FOXP2: variants seen among roughly 807,000 people sequenced by gnomAD.
FOXP2 encodes forkhead box protein P2.
A neutral mutation model predicts 115.8 loss-of-function variants in FOXP2; 12 were observed. The observed-to-expected ratio is 0.10, with a 90% CI of 0.07 to 0.17. The LOEUF (loss-of-function observed/expected upper bound fraction) is 0.17, where lower values mean the gene tolerates loss of function less well. Among genes scored for constraint, FOXP2 ranks in the 10% least tolerant of loss-of-function variants. FOXP2 has a pLI of 1.00. For missense variants in FOXP2, 629 were observed against 843.5 expected, an observed-to-expected ratio of 0.75 and a Z score of 3.15; for synonymous variants, 328 against 297.7, an observed-to-expected ratio of 1.10 and a Z score of -1.05.
At chr7:114,546,650 T>G (rs192162293) in intron 3 of FOXP2, among the ~76,000 whole-genome samples, 1 of 152,054 alleles carries the variant, frequency 6.6e-6, no homozygotes, top group African/African-American at 2.4e-5. Context: ...CCCTAATCCC[T>G]GGAGTCTTCT....
At position 114,352,262 on chromosome 7, in the gene FOXP2, C is replaced by G. The variant is rs114465909; in HGVS notation, c.-11+64153C>G. On this transcript the variant is annotated intron_variant, in intron 2 of 17. Coordinates refer to the FOXP2 transcript ENST00000634411. ...AGCCTGGGCAACAGAGTGAGACCCT[C>G]TCTGAAGAAAAAAAAGAAAGAAAGA... Among the ~76,000 whole-genome samples the G allele has an allele frequency of 8.0e-3, 1,212 of 151,606 alleles. 14 individuals are homozygous for G. Among genetic ancestry groups the G allele is most frequent in the African/African-American group, 0.028 (1,154 of 41,312 alleles).
chr7:114,430,464 ATTGT>A (rs1055579844), intron 2 of FOXP2, among the ~76,000 whole-genome samples: 1 of 151,772 alleles, frequency 6.6e-6, no homozygotes, highest in Non-Finnish European at 1.5e-5. Context: ...GATTTTAGAC[ATTGT>A]TTGACTAGAT....
At chr7:114,227,912 A>T (rs922904037) in intron 1 of FOXP2, among the ~76,000 whole-genome samples, 4 of 152,028 alleles carry the variant, frequency 2.6e-5, no homozygotes, top group Non-Finnish European at 5.9e-5. Flanking sequence ...AATTTACATG[A>T]TCCTCACGCT....
chr7:114,554,972 A>G (rs912629058), intron 3 of FOXP2, among the ~76,000 whole-genome samples: 13 of 152,188 alleles, frequency 8.5e-5, no homozygotes, highest in Non-Finnish European at 1.6e-4. Flanking sequence ...TAGGCTCTTT[A>G]ATGACAAGTA....
chr7:114,349,560 A>G (rs1791429366), intron 2 of FOXP2, among the ~76,000 whole-genome samples: 1 of 152,104 alleles, frequency 6.6e-6, no homozygotes, highest in Non-Finnish European at 1.5e-5. Context: ...GATATTTAAA[A>G]TATCCTAAAA....
chr7:114,166,393 G>T (rs1792981231), intron 1 of FOXP2, among the ~76,000 whole-genome samples: 1 of 152,040 alleles, frequency 6.6e-6, no homozygotes, highest in Non-Finnish European at 1.5e-5. Flanking sequence ...ATACTACAAA[G>T]AACTCTTAAA....
At chr7:114,089,415 A>G (rs1309621999) in intron 1 of FOXP2, among the ~76,000 whole-genome samples, 1 of 152,076 alleles carries the variant, frequency 6.6e-6, no homozygotes, top group Admixed American at 6.5e-5. Flanking sequence ...ACTACCGTGT[A>G]TATTAGAATA....
intron 2 of FOXP2, among the ~76,000 whole-genome samples, chr7:114,364,860 T>G (rs561462115): frequency 6.6e-6 from 1 of 152,190 alleles, no homozygotes; most frequent in Non-Finnish European, 1.5e-5. Context: ...TCTCTTACTC[T>G]GCATTTATTA....
intron 3 of FOXP2, among the ~76,000 whole-genome samples, chr7:114,550,925 C>T (rs1382047492): frequency 6.6e-6 from 1 of 152,118 alleles, no homozygotes; most frequent in Admixed American, 6.6e-5. Flanking sequence ...TGTTATTTGG[C>T]GTTTCCATAC....
Position 114,691,420 on chromosome 7 carries a change from A to G in FOXP2, c.*1494A>G. On this transcript the variant is annotated 3_prime_UTR_variant, in exon 17 of 17. Transcript: ENST00000350908. The stretch of plus-strand genomic sequence containing the variant: ...ATGGTATTTATTTTCAGTCAAACCA[A>G]AGTTACATATAATTCTGCCTCTGCT... 1 of 454,010 alleles carries G rather than the reference A, an allele frequency of 2.2e-6. No individual in the cohort carries two copies. The allele number at this position is 454,010 out of a possible 1,614,324, so 28.1% of individuals were successfully genotyped here.
intron 3 of FOXP2, among the ~76,000 whole-genome samples, chr7:114,575,765 T>C (rs1186851204): frequency 6.6e-6 from 1 of 151,936 alleles, no homozygotes; most frequent in Non-Finnish European, 1.5e-5. Context: ...ACTTTTTTCT[T>C]CCTTCCTATA....
At chr7:114,484,095 C>T (rs748361503) in intron 2 of FOXP2, among the ~76,000 whole-genome samples, 1 of 151,708 alleles carries the variant, frequency 6.6e-6, no homozygotes, top group African/African-American at 2.4e-5. Flanking sequence ...GTAACAATTT[C>T]TTTTGCAGGG....
At chr7:114,551,037 A>G (rs1584884692) in intron 3 of FOXP2, among the ~76,000 whole-genome samples, 1 of 152,330 alleles carries the variant, frequency 6.6e-6, no homozygotes, top group South Asian at 2.1e-4. Context: ...TATGTACTAG[A>G]AAGAGAGTTC....
At chr7:114,430,603 T>C (rs1167608115) in intron 2 of FOXP2, among the ~76,000 whole-genome samples, 1 of 151,812 alleles carries the variant, frequency 6.6e-6, no homozygotes, top group Non-Finnish European at 1.5e-5. Context: ...ACAATATTAA[T>C]TGATGATATT....
At chr7:114,241,204 T>TA (rs1250115653) in intron 1 of FOXP2, among the ~76,000 whole-genome samples, 1 of 152,060 alleles carries the variant, frequency 6.6e-6, no homozygotes, top group Non-Finnish European at 1.5e-5. Context: ...ATAAAACATA[T>TA]AAAAAATATT....
intron 1 of FOXP2, among the ~76,000 whole-genome samples, chr7:114,265,478 C>T (rs1277604060): frequency 2.0e-5 from 3 of 152,196 alleles, no homozygotes; most frequent in South Asian, 2.1e-4. Flanking sequence ...TCAGCCCTTG[C>T]GCTTGCTCTC....
At chr7:114,122,087 C>G (rs1401134375) in intron 1 of FOXP2, among the ~76,000 whole-genome samples, 1 of 151,996 alleles carries the variant, frequency 6.6e-6, no homozygotes, top group Non-Finnish European at 1.5e-5. Flanking sequence ...GTTTTTGTTA[C>G]TAGTAGGTGT....
chr7:114,316,867 C>T (rs1413700235), intron 2 of FOXP2, among the ~76,000 whole-genome samples: 1 of 151,942 alleles, frequency 6.6e-6, no homozygotes, highest in African/African-American at 2.4e-5. Flanking sequence ...CCTCTAAAGA[C>T]ATGAATTGCC....
chr7:114,673,503 C>T (rs1408296111), intron 16 of FOXP2, among the ~76,000 whole-genome samples: 1 of 152,152 alleles, frequency 6.6e-6, no homozygotes, highest in African/African-American at 2.4e-5. Flanking sequence ...TATCTGAAAT[C>T]ATTTGGGAGT....
Sources: allele counts gnomAD v4.1 joint callset (sites outside exome capture counted in the v4.1 genomes callset), GRCh38; gene constraint gnomAD v4.1.1; transcripts MANE v1.5; gene names NCBI Gene and HGNC (gene_info 2026-07-23, HGNC 2026-07-21).